The following SLAIN2 variants were observed in gnomAD, a reference collection of about 807,000 sequenced individuals.
SLAIN2 encodes the protein SLAIN motif-containing protein 2.
Under a neutral mutation model 56.6 loss-of-function variants are expected in SLAIN2, and 31 were observed. The observed-to-expected ratio is 0.55, with a 90% CI of 0.41 to 0.74. SLAIN2 has a LOEUF of 0.74. SLAIN2 is among the 30% of genes least tolerant of loss of function. The pLI, the probability that SLAIN2 is intolerant of heterozygous loss-of-function variation, is 0.00. For synonymous variants in SLAIN2, 317 were observed against 284.9 expected (o/e 1.11, Z -1.13); for missense variants, 777 against 754.2 (o/e 1.03, Z -0.35).
At chr4:48,352,911 C>T (rs1287272932) in intron 1 of SLAIN2, among the ~76,000 whole-genome samples, 3 of 152,108 alleles carry the variant, frequency 2.0e-5, no homozygotes, top group Non-Finnish European at 4.4e-5. Context: ...GGGCGTTTTC[C>T]CCTATACTGT....
At chr4:48,354,769 T>C (rs559439119) in intron 1 of SLAIN2, among the ~76,000 whole-genome samples, 1 of 152,212 alleles carries the variant, frequency 6.6e-6, no homozygotes, top group African/African-American at 2.4e-5. Flanking sequence ...CAGCCTGTTA[T>C]GGGTATTTTG....
At chr4:48,403,175 T>G (rs535681782) in intron 6 of SLAIN2, among the ~76,000 whole-genome samples, 8 of 152,362 alleles carry the variant, frequency 5.3e-5, no homozygotes, top group African/African-American at 1.4e-4. Flanking sequence ...TTGGGAGGTC[T>G]CAGGCAGTCG....
At chr4:48,387,861 AT>A (rs1325625696) in intron 6 of SLAIN2, among the ~76,000 whole-genome samples, 1 of 152,072 alleles carries the variant, frequency 6.6e-6, no homozygotes, top group Non-Finnish European at 1.5e-5. Context: ...TCTTTATATA[AT>A]TTGTACAATT....
intron 6 of SLAIN2, among the ~76,000 whole-genome samples, chr4:48,392,676 G>A (rs190342433): frequency 6.6e-6 from 1 of 151,766 alleles, no homozygotes; most frequent in Non-Finnish European, 1.5e-5. Context: ...TCTTTTTTCA[G>A]ATTTCTATGC....
At chr4:48,404,608 GT>G (rs2109779487) in intron 6 of SLAIN2, among the ~76,000 whole-genome samples, 1 of 152,308 alleles carries the variant, frequency 6.6e-6, no homozygotes, top group Admixed American at 6.5e-5. Context: ...TGTTCTTGAG[GT>G]TCCCTCCAAA....
In SLAIN2 at chr4:48,385,917, C is replaced by T. The variant is rs112102812; in HGVS notation, c.1360+2133C>T. Among the ~76,000 whole-genome samples the T allele has an allele frequency of 3.2e-3, 478 of 151,658 alleles. 4 individuals carry two copies. Among genetic ancestry groups the T allele is most frequent in the African/African-American group, 0.011 (457 of 41,386 alleles). On this transcript the variant is annotated intron_variant, in intron 6 of 7. Transcript: ENST00000264313. ...AGGAGTTTGAGACCAGCCTGAGCAA[C>T]ACAAGACCTCGTCTCTAAAAAAATG...
At chr4:48,385,405 A>T (rs1354490526) in intron 6 of SLAIN2, among the ~76,000 whole-genome samples, 3 of 152,126 alleles carry the variant, frequency 2.0e-5, no homozygotes, top group Admixed American at 1.3e-4. Context: ...GACACAAGGG[A>T]TGCTTATTCA....
Position 48,422,014 on chromosome 4 carries a change from C to G in SLAIN2, c.1683C>G (p.Ser561=). Residue 561 remains serine (S), a synonymous_variant, in exon 8 of 8, where the codon TCC becomes TCG. Transcript: ENST00000264313. The part of the protein sequence containing the change: ...RSKLAQPVRR[S]LPAPKTYGSM... ...TTACAAAATTGCTTTATTACAGATC[C>G]TTGCCAGCTCCTAAAACCTATGGTA... The G allele has an allele frequency of 6.2e-7, 1 of 1,607,762 alleles. No homozygotes were observed. Among genetic ancestry groups the G allele is most frequent in the South Asian group, 1.1e-5 (1 of 89,518 alleles).
rs928506272 is a variant in SLAIN2, at chr4:48,425,927, T to C, written c.*3850T>C. On this transcript the variant is annotated 3_prime_UTR_variant, in exon 8 of 8. Coordinates refer to ENST00000264313, the MANE Select transcript of SLAIN2 (RefSeq NM_020846.2). ...CTGAATGCTAGTTTGAAACAAATTA[T>C]CTACATTAAGTCATCTTAATGTTTT... 2 of 152,200 alleles carry C rather than the reference T, an allele frequency of 1.3e-5. No homozygotes were observed. Among genetic ancestry groups the C allele is most frequent in the African/African-American group, 2.4e-5 (1 of 41,470 alleles). 9.4% of individuals were successfully genotyped at this position (152,200 alleles called of 1,614,324 possible). A position where few individuals can be genotyped will look rare whatever the true frequency, so the allele number is the denominator to read the frequency against.
rs114005442 is a variant in SLAIN2, at chr4:48,373,154, T to C, written c.538+3157T>C. 4.4e-3 allele frequency among the ~76,000 whole-genome samples: 669 copies of C among 152,318 alleles called. 6 individuals carry two copies. Among genetic ancestry groups the C allele is most frequent in the Non-Finnish European group, 7.1e-3 (480 of 68,016 alleles). ...TAAAAATTGTCATAAAATTATATAA[T>C]ACAAAATTATCCATTTTCACCCTTT... On this transcript the variant is annotated intron_variant, in intron 2 of 7. Transcript: ENST00000264313.
At chr4:48,402,725 A>G (rs554144383) in intron 6 of SLAIN2, among the ~76,000 whole-genome samples, 1 of 152,290 alleles carries the variant, frequency 6.6e-6, no homozygotes, top group Admixed American at 6.5e-5. Context: ...ACTTCTGTCA[A>G]TTCAGCTGTC....
At chr4:48,411,049 A>G (rs1716831284) in intron 6 of SLAIN2, among the ~76,000 whole-genome samples, 1 of 152,056 alleles carries the variant, frequency 6.6e-6, no homozygotes, top group Non-Finnish European at 1.5e-5. Flanking sequence ...GAATACTTGA[A>G]GCAATTGTGT....
At chr4:48,375,020 A>C (rs1560456243) in intron 2 of SLAIN2, among the ~76,000 whole-genome samples, 1 of 152,184 alleles carries the variant, frequency 6.6e-6, no homozygotes, top group Non-Finnish European at 1.5e-5. Flanking sequence ...TCAGAGGAAA[A>C]CTTAAGACTA....
chr4:48,362,873 A>C (rs1475410111), intron 1 of SLAIN2, among the ~76,000 whole-genome samples: 1 of 100,134 alleles, frequency 1.0e-5, no homozygotes, highest in Non-Finnish European at 2.0e-5. Flanking sequence ...CAAGTGAACA[A>C]AGGTCTCTGG....
intron 1 of SLAIN2, among the ~76,000 whole-genome samples, chr4:48,349,839 A>C (rs1037111829): frequency 9.2e-5 from 14 of 152,186 alleles, no homozygotes. Context: ...TTATTGAGTA[A>C]CTGCCATAGG....
chr4:48,395,939 A>G (rs1349263275), intron 6 of SLAIN2, among the ~76,000 whole-genome samples: 2 of 151,624 alleles, frequency 1.3e-5, no homozygotes, highest in East Asian at 1.9e-4. Flanking sequence ...TCACTATACC[A>G]TAATAAAAGA....
intron 6 of SLAIN2, among the ~76,000 whole-genome samples, chr4:48,384,282 A>G (rs1454989206): frequency 1.3e-5 from 2 of 152,204 alleles, no homozygotes; most frequent in African/African-American, 4.8e-5. Flanking sequence ...GAATTGTTGA[A>G]GTTCTTTTCT....
chr4:48,383,974 G>T, intron 6 of SLAIN2, 190 bp downstream of exon 6: 2 of 577,050 alleles, frequency 3.5e-6, no homozygotes, highest in Non-Finnish European at 5.8e-6. Context: ...AATTTTCTAT[G>T]TAGGATACTT....
At chr4:48,384,286 CT>C (rs1716047060) in intron 6 of SLAIN2, among the ~76,000 whole-genome samples, 1 of 152,110 alleles carries the variant, frequency 6.6e-6, no homozygotes, top group South Asian at 2.1e-4. Flanking sequence ...TGTTGAAGTT[CT>C]TTTCTTTCCA....
Sources: gnomAD v4.1 joint callset for allele counts (sites outside exome capture counted in the v4.1 genomes callset) on GRCh38, gnomAD v4.1.1 for gene constraint, MANE v1.5 for transcripts, NCBI Gene and HGNC (gene_info 2026-07-23, HGNC 2026-07-21) for gene names.